SLC25A25: variants seen among roughly 807,000 people sequenced by gnomAD.
The protein encoded by SLC25A25 is mitochondrial adenyl nucleotide antiporter SLC25A25.
A neutral mutation model predicts 57.7 loss-of-function variants in SLC25A25; 32 were observed. That is an observed-to-expected ratio of 0.55 (90% CI 0.42 to 0.74). SLC25A25 has a LOEUF of 0.74. SLC25A25 is among the 30% of genes least tolerant of loss of function. SLC25A25 has a pLI of 0.00. For synonymous variants in SLC25A25, 306 were observed against 291.2 expected (o/e 1.05, Z -0.52); for missense variants, 556 against 701.3 (o/e 0.79, Z 2.34).
intron 1 of SLC25A25, chr9:128,091,569 A>AAAG: frequency 9.6e-7 from 1 of 1,039,410 alleles, no homozygotes; most frequent in Non-Finnish European, 1.2e-6. Context: ...TTTAAAAAAA[A>AAAG]GCCAAACGTT....
At chr9:128,084,429 C>T (rs894608443) in intron 1 of SLC25A25, among the ~76,000 whole-genome samples, 2 of 152,174 alleles carry the variant, frequency 1.3e-5, no homozygotes, top group East Asian at 1.9e-4. Context: ...TCCCAAAGTG[C>T]TGGGATTACA....
In SLC25A25 at chr9:128,068,364, G is replaced by C. The variant is rs749902845; in HGVS notation, c.45G>C (p.Pro15=). ...VLCRCVASPP[P]DAAATAASSS... ...GCCGCTGTGTGGCCTCCCCGCCGCCGGACGCCGCCGCCACCGCCGCCTCTT... is the reference window on the plus strand; with the variant it reads ...GCCGCTGTGTGGCCTCCCCGCCGCCCGACGCCGCCGCCACCGCCGCCTCTT... Residue 15 remains proline (P), a synonymous_variant, in exon 1 of 11, where the codon CCG becomes CCC. Transcript: ENST00000373069. The C allele has an allele frequency of 8.4e-6, 13 of 1,543,198 alleles. No individual in the cohort carries two copies. The highest frequency in any genetic ancestry group is 1.4e-5 in the African/African-American group (1 of 70,538).
intron 1 of SLC25A25, among the ~76,000 whole-genome samples, chr9:128,082,613 A>G (rs1833178980): frequency 6.6e-6 from 1 of 152,138 alleles, no homozygotes; most frequent in Admixed American, 6.6e-5. Flanking sequence ...AAAACAGCAT[A>G]TCCCCTTGCA....
chr9:128,097,434 T>C (rs1833593536), intron 1 of SLC25A25, among the ~76,000 whole-genome samples: 1 of 150,828 alleles, frequency 6.6e-6, no homozygotes, highest in African/African-American at 2.4e-5. Flanking sequence ...TTAATGAATT[T>C]ACTTTTTTGC....
rs551147090 is a variant in SLC25A25 at position 128,099,766 on chromosome 9, C to A, written c.262-1330C>A. Among the ~76,000 whole-genome samples the A allele has an allele frequency of 2.6e-5, 4 of 152,198 alleles. No homozygotes were observed. Among genetic ancestry groups the A allele is most frequent in the Non-Finnish European group, 5.9e-5 (4 of 68,042 alleles). On this transcript the variant is annotated intron_variant, in intron 1 of 10. Coordinates refer to ENST00000373069, the MANE Select transcript of SLC25A25 (RefSeq NM_001330988.2). The surrounding 1 kb of genome is among the most constrained non-coding windows in gnomAD (Gnocchi z 6.8). The stretch of plus-strand genomic sequence containing the variant: ...CTTTGGCAGCTGAGGAATCACAAGG[C>A]GCTGTCAGTAGTGTGTCTAAGAGAG...
chr9:128,105,940 G>A, intron 7 of SLC25A25, 59 bp downstream of exon 7: 3 of 1,588,060 alleles, frequency 1.9e-6, no homozygotes, highest in Non-Finnish European at 2.6e-6. Flanking sequence ...GCCTGGACTT[G>A]CTGGCTTTCC....
chr9:128,103,873 G>T lies in SLC25A25; in HGVS notation c.783+34G>T. 3 of 1,494,206 alleles carry T rather than the reference G, an allele frequency of 2.0e-6. No homozygotes were observed. The highest frequency in any genetic ancestry group is 2.5e-5 in the East Asian group (1 of 40,772). 92.6% of individuals were successfully genotyped at this position (1,494,206 alleles called of 1,614,324 possible). On this transcript the variant is annotated intron_variant, in intron 6 of 10. Coordinates refer to ENST00000373069, the MANE Select transcript of SLC25A25 (RefSeq NM_001330988.2). The surrounding 1 kb of genome is among the most constrained non-coding windows in gnomAD (Gnocchi z 6.7). ...GGAAAAGGCCCCAGACCCCTGGGGGGCCAGTTTCCACCTGGGGGATGCTGC... is the reference window on the plus strand; with the variant it reads ...GGAAAAGGCCCCAGACCCCTGGGGGTCCAGTTTCCACCTGGGGGATGCTGC...
At chr9:128,100,540 T>G (rs1305664771) in intron 1 of SLC25A25, among the ~76,000 whole-genome samples, 2 of 152,202 alleles carry the variant, frequency 1.3e-5, no homozygotes, top group African/African-American at 4.8e-5. Flanking sequence ...TCGGGTGCTG[T>G]GGCAGAGTCT....
intron 1 of SLC25A25, among the ~76,000 whole-genome samples, chr9:128,078,638 G>C (rs115793616): frequency 5.9e-5 from 9 of 152,316 alleles, no homozygotes; most frequent in African/African-American, 2.2e-4. Context: ...CTCAGAAGCC[G>C]TGGATCGTCT....
intron 1 of SLC25A25, among the ~76,000 whole-genome samples, chr9:128,090,130 G>A (rs1172557031): frequency 2.0e-5 from 3 of 151,984 alleles, no homozygotes; most frequent in Non-Finnish European, 2.9e-5. Flanking sequence ...TCCAGAGGCC[G>A]TCTTCACAAA....
At chr9:128,073,960 C>A (rs1588745447) in intron 1 of SLC25A25, among the ~76,000 whole-genome samples, 1 of 152,124 alleles carries the variant, frequency 6.6e-6, no homozygotes, top group Non-Finnish European at 1.5e-5. Context: ...TATCCAACTC[C>A]TGGCCTCAAG....
At chr9:128,106,055 G>C in intron 7 of SLC25A25, 95 bp from the exon 8 acceptor site, 1 of 1,555,052 alleles carries the variant, frequency 6.4e-7, no homozygotes. Context: ...TTTCTGGGTA[G>C]CATAAAATGT....
intron 1 of SLC25A25, among the ~76,000 whole-genome samples, chr9:128,087,592 A>G (rs182205604): frequency 6.6e-6 from 1 of 152,138 alleles, no homozygotes; most frequent in East Asian, 1.9e-4. Flanking sequence ...AGATTTGTAG[A>G]TCTGTAGCTT....
At chr9:128,085,876 C>CT (rs201615406) in intron 1 of SLC25A25, among the ~76,000 whole-genome samples, 2 of 151,802 alleles carry the variant, frequency 1.3e-5, no homozygotes, top group South Asian at 4.2e-4. Flanking sequence ...TTCCAAATAT[C>CT]TTTTTTTTCT....
chr9:128,089,615 T>C (rs1299245023), intron 1 of SLC25A25, among the ~76,000 whole-genome samples: 4 of 149,266 alleles, frequency 2.7e-5, no homozygotes, highest in Non-Finnish European at 5.9e-5. Context: ...TCAACCATCT[T>C]ACTTTCTCTC....
At chr9:128,096,494 A>T (rs534957628) in intron 1 of SLC25A25, among the ~76,000 whole-genome samples, 3 of 151,848 alleles carry the variant, frequency 2.0e-5, no homozygotes, top group Non-Finnish European at 4.4e-5. Context: ...GGGTGACAAG[A>T]GTGACAGTCT....
rs1261076535 is a variant in SLC25A25, at chr9:128,103,852, A to G, written c.783+13A>G. On this transcript the variant is annotated intron_variant, in intron 6 of 10. Coordinates refer to ENST00000373069, the MANE Select transcript of SLC25A25 (RefSeq NM_001330988.2). This position sits in a 1 kb window ranked among gnomAD's most constrained non-coding sequence, Gnocchi z 6.7. ...GGTGCTCATGCAGGTATGTAGGGAA[A>G]AGGCCCCAGACCCCTGGGGGGCCAG... 9 of 1,549,478 alleles carry G rather than the reference A, an allele frequency of 5.8e-6. No homozygotes were observed. Among genetic ancestry groups the G allele is most frequent in the Admixed American group, 3.8e-5 (2 of 52,416 alleles).
chr9:128,079,528 G>A lies in SLC25A25; in HGVS notation c.261+10948G>A, dbSNP rs544207661. Among the ~76,000 whole-genome samples the A allele has an allele frequency of 5.3e-5, 8 of 150,336 alleles. No homozygotes were observed. The South Asian group carries it at 1.7e-3, about 32-fold the overall frequency. The stretch of plus-strand genomic sequence containing the variant: ...AATCCCAGCACTTTGTGAGGCCAAG[G>A]CAGGTGGATCACTTGAGGTCAGGAG... On this transcript the variant is annotated intron_variant, in intron 1 of 10. Transcript: ENST00000373069.
intron 1 of SLC25A25, chr9:128,098,826 A>T: frequency 6.6e-7 from 1 of 1,525,384 alleles, no homozygotes; most frequent in Non-Finnish European, 8.8e-7. Flanking sequence ...AGAGGAAAGA[A>T]TGTCTGAAAT....
Sources: gnomAD v4.1 joint callset for allele counts (sites outside exome capture counted in the v4.1 genomes callset) on GRCh38, gnomAD v4.1.1 for gene constraint, Gnocchi (gnomAD v3.1) non-coding constraint, MANE v1.5 for transcripts, NCBI Gene and HGNC (gene_info 2026-07-23, HGNC 2026-07-21) for gene names.